Variants in IRAK3 observed in about 807,000 individuals in gnomAD.
IRAK3 encodes interleukin 1 receptor associated kinase 3.
IRAK3 carries 57 observed loss-of-function variants against 56.6 expected under a neutral mutation model. The ratio of observed to expected loss-of-function variants is 1.01; its 90% CI spans 0.81 to 1.26. The LOEUF (loss-of-function observed/expected upper bound fraction) is 1.26, where lower values mean the gene tolerates loss of function less well. Among genes scored for constraint, IRAK3 ranks in the 50% most tolerant of loss-of-function variants. The pLI, the probability that IRAK3 is intolerant of heterozygous loss-of-function variation, is 0.00. For missense variants in IRAK3, 703 were observed against 719.0 expected, an observed-to-expected ratio of 0.98 and a Z score of 0.25; for synonymous variants, 258 against 255.7, an observed-to-expected ratio of 1.01 and a Z score of -0.09.
chr12:66,238,163 T>G (rs974755205), intron 8 of IRAK3, among the ~76,000 whole-genome samples: 2 of 151,992 alleles, frequency 1.3e-5, no homozygotes, highest in Non-Finnish European at 2.9e-5. Flanking sequence ...ATTTTCAAGA[T>G]GAGGGGAACA....
At chr12:66,245,529 CTTTTTTTT>C (rs745553622) in intron 11 of IRAK3, among the ~76,000 whole-genome samples, 1 of 75,352 alleles carries the variant, frequency 1.3e-5, no homozygotes, top group Non-Finnish European at 2.3e-5. Context: ...TTTATTCAAT[CTTTTTTTT>C]TTTTTTTTTT....
intron 8 of IRAK3, among the ~76,000 whole-genome samples, chr12:66,231,141 C>T (rs1422601300): frequency 9.2e-5 from 14 of 152,146 alleles, no homozygotes; most frequent in Admixed American, 9.2e-4. Context: ...ACACTCTTAC[C>T]TCTATCGTCA....
intron 11 of IRAK3, 67 bp from the exon 12 acceptor site, chr12:66,247,628 G>C (rs2053048329): frequency 5.1e-6 from 5 of 977,654 alleles, no homozygotes; most frequent in Non-Finnish European, 8.3e-6. Context: ...TATAGGTAGA[G>C]TGATAAAAGG....
intron 8 of IRAK3, among the ~76,000 whole-genome samples, chr12:66,233,720 T>G (rs1300089737): frequency 6.6e-6 from 1 of 151,036 alleles, no homozygotes; most frequent in Non-Finnish European, 1.5e-5. Flanking sequence ...GTCATGCACT[T>G]GGATAAGTCT....
In IRAK3 at chr12:66,253,684, G is replaced by A. The variant is rs1485240945; in HGVS notation, c.*5513G>A. ...TATAGACAAACATTAATTGGAATGG[G>A]GGGTAAGGAGGTAGGAATGGCTTAC... is the stretch of plus-strand genomic sequence containing the variant. On this transcript the variant is annotated 3_prime_UTR_variant, in exon 12 of 12. Transcript: ENST00000261233. 1 of 152,192 alleles carries A rather than the reference G, an allele frequency of 6.6e-6. No homozygotes were observed. Among genetic ancestry groups the A allele is most frequent in the Non-Finnish European group, 1.5e-5 (1 of 68,032 alleles). The allele number at this position is 152,192 out of a possible 1,614,324, so 9.4% of individuals were successfully genotyped here.
chr12:66,215,596 G>A (rs1166881165), intron 5 of IRAK3, among the ~76,000 whole-genome samples: 1 of 152,146 alleles, frequency 6.6e-6, no homozygotes, highest in Non-Finnish European at 1.5e-5. Flanking sequence ...TAAATTGAAT[G>A]CAGCATACAT....
intron 4 of IRAK3, among the ~76,000 whole-genome samples, chr12:66,210,706 C>T (rs567710972): frequency 4.1e-4 from 62 of 152,166 alleles, no homozygotes; most frequent in African/African-American, 1.3e-3. Context: ...TTTAAGGCTG[C>T]GTTGCCTAGT....
intron 2 of IRAK3, among the ~76,000 whole-genome samples, chr12:66,204,781 CACACACACA>C (rs1310340835): frequency 1.4e-4 from 4 of 29,060 alleles, no homozygotes; most frequent in African/African-American, 7.7e-4. Flanking sequence ...CCCTTGCGCA[CACACACACA>C]CACACACACA....
intron 6 of IRAK3, among the ~76,000 whole-genome samples, chr12:66,218,496 G>T (rs2052699549): frequency 6.6e-6 from 1 of 152,144 alleles, no homozygotes. Context: ...TCCAATATAA[G>T]TTATACCAAT....
intron 7 of IRAK3, 89 bp from the exon 8 acceptor site, chr12:66,228,163 C>T (rs1167243818): frequency 2.1e-6 from 2 of 959,428 alleles, no homozygotes; most frequent in Admixed American, 1.7e-5. Flanking sequence ...TTGCTATCTA[C>T]TTCTATTCTG....
chr12:66,190,266 A>G (rs541117977), intron 1 of IRAK3, among the ~76,000 whole-genome samples: 1 of 152,132 alleles, frequency 6.6e-6, no homozygotes, highest in African/African-American at 2.4e-5. Context: ...CTAAGAGGAG[A>G]GTTTTCTTTG....
intron 8 of IRAK3, among the ~76,000 whole-genome samples, chr12:66,240,472 C>G (rs981516249): frequency 6.6e-5 from 10 of 152,150 alleles, no homozygotes; most frequent in African/African-American, 2.4e-4. Flanking sequence ...TTGTAGCATT[C>G]CAGGCAGGAT....
At chr12:66,204,763 C>T (rs547661093) in intron 2 of IRAK3, among the ~76,000 whole-genome samples, 31 of 143,588 alleles carry the variant, frequency 2.2e-4, no homozygotes, top group African/African-American at 5.6e-4. Flanking sequence ...ATATTTAGTG[C>T]GCATGAGCCC....
chr12:66,210,064 A>G (rs1212993947), intron 3 of IRAK3, 83 bp from the exon 4 acceptor site: 24 of 885,178 alleles, frequency 2.7e-5, no homozygotes, highest in Non-Finnish European at 5.8e-6. Flanking sequence ...CATAGTCCCC[A>G]GGGAGCTTTG....
At chr12:66,208,278 A>T (rs193183574) in intron 2 of IRAK3, among the ~76,000 whole-genome samples, 1 of 152,060 alleles carries the variant, frequency 6.6e-6, no homozygotes, top group Non-Finnish European at 1.5e-5. Context: ...ACTCTACCAC[A>T]TAGAAGTTAT....
chr12:66,211,485 T>C lies in IRAK3; in HGVS notation c.476T>C (p.Ile159Thr), dbSNP rs1174184267. The C allele has an allele frequency of 3.7e-6, 6 of 1,601,822 alleles. No homozygotes were observed. The South Asian group carries it at 6.6e-5, about 18-fold the overall frequency. ...TCTTCCATCAGCTTTCAAAATATCA[T>C]AGAAGGAACTAGAAATTTCCACAAA... ...LKSSISFQNI[I>T]EGTRNFHKDF... The change falls in exon 5 of 12, where the codon ATA becomes ACA. Residue 159 changes from isoleucine (I) to threonine (T), a missense_variant. Coordinates refer to ENST00000261233, the MANE Select transcript of IRAK3 (RefSeq NM_007199.3).
chr12:66,209,607 T>C (rs975152690), intron 3 of IRAK3, 87 bp downstream of exon 3: 1 of 859,630 alleles, frequency 1.2e-6, no homozygotes, highest in South Asian at 1.3e-5. Context: ...GGCAGAAAAA[T>C]GCTGGATTTG....
chr12:66,203,683 T>G lies in IRAK3; in HGVS notation c.134-28T>G, dbSNP rs780919472. 2.5e-6 allele frequency: 4 copies of G among 1,596,860 alleles called. No individual in the cohort carries two copies. The South Asian group carries it at 4.4e-5, about 18-fold the overall frequency. On this transcript the variant is annotated intron_variant, in intron 1 of 11. Coordinates refer to ENST00000261233, the MANE Select transcript of IRAK3 (RefSeq NM_007199.3). ...ATTTTGATAAAAGTACAGTAAACAA[T>G]TCTTTGTTTATATTGCAATTTCCAC...
intron 8 of IRAK3, among the ~76,000 whole-genome samples, chr12:66,238,599 G>C (rs993978662): frequency 6.6e-6 from 1 of 152,196 alleles, no homozygotes; most frequent in Non-Finnish European, 1.5e-5. Flanking sequence ...TTAGTGTGCA[G>C]AAACTTGGAA....
Sources: allele counts gnomAD v4.1 joint callset (sites outside exome capture counted in the v4.1 genomes callset), GRCh38; gene constraint gnomAD v4.1.1; transcripts MANE v1.5; gene names NCBI Gene and HGNC (gene_info 2026-07-23, HGNC 2026-07-21).